Variants in TFDP1 observed in about 807,000 individuals in gnomAD.
TFDP1 encodes transcription factor Dp-1.
A neutral mutation model predicts 48.0 loss-of-function variants in TFDP1; 6 were observed. The ratio of observed to expected loss-of-function variants is 0.13; its 90% CI spans 0.07 to 0.25. TFDP1 has a LOEUF of 0.25. Among genes scored for constraint, TFDP1 ranks in the 10% least tolerant of loss-of-function variants. TFDP1 has a pLI of 1.00. For missense variants in TFDP1, 335 were observed against 543.0 expected (o/e 0.62, Z 3.81); for synonymous variants, 201 against 211.6 (o/e 0.95, Z 0.44).
At chr13:113,606,003 G>A (rs1342121678) in intron 2 of TFDP1, among the ~76,000 whole-genome samples, 5 of 146,604 alleles carry the variant, frequency 3.4e-5, no homozygotes, top group Admixed American at 6.8e-5. Flanking sequence ...GTGAGTGTCC[G>A]CAGGGGATCC....
At chr13:113,631,477 G>C in intron 4 of TFDP1, 146 bp from the exon 5 acceptor site, 1 of 1,019,716 alleles carries the variant, frequency 9.8e-7, no homozygotes. Flanking sequence ...AGCGTCCACC[G>C]CTGGACGTTT....
chr13:113,635,210 G>T (rs143497527), intron 8 of TFDP1, among the ~76,000 whole-genome samples: 1 of 152,280 alleles, frequency 6.6e-6, no homozygotes, highest in East Asian at 1.9e-4. Context: ...TGTGGAGGGG[G>T]TTGTGTGCAA....
At position 113,640,200 on chromosome 13, in the gene TFDP1, C is replaced by T. The variant is rs755609322; in HGVS notation, c.1166C>T (p.Pro389Leu). Residue 389 changes from proline to leucine, a missense_variant, in exon 12 of 12, where the codon CCG becomes CTG. Pro to Leu is a moderately conservative substitution (Grantham distance 98). Around this residue, in one of 3 missense-constraint regions of TFDP1, gnomAD observed 204 missense variants for 287.1 expected, o/e 0.71. Transcript: ENST00000375370. ...SQYSGSRVET[P>L]VSYVGEDDEE... Reference sequence around the variant, plus strand: ...TACAGCGGCTCCAGGGTGGAGACTCCGGTGTCCTACGTCGGGGAGGACGAC... The same window carrying T: ...TACAGCGGCTCCAGGGTGGAGACTCTGGTGTCCTACGTCGGGGAGGACGAC... 5 of 1,613,388 alleles carry T rather than the reference C, an allele frequency of 3.1e-6. No individual in the cohort carries two copies. Among genetic ancestry groups the T allele is most frequent in the Non-Finnish European group, 4.2e-6 (5 of 1,179,744 alleles).
intron 3 of TFDP1, among the ~76,000 whole-genome samples, chr13:113,620,158 T>C (rs546196291): frequency 6.6e-6 from 1 of 152,336 alleles, no homozygotes; most frequent in South Asian, 2.1e-4. Context: ...CCGGCCGGCC[T>C]GTGGGTGGAG....
At chr13:113,617,783 G>C (rs2048899995) in intron 3 of TFDP1, among the ~76,000 whole-genome samples, 1 of 152,228 alleles carries the variant, frequency 6.6e-6, no homozygotes, top group Non-Finnish European at 1.5e-5. Flanking sequence ...ATCTGGCTCT[G>C]ACAACGTAAA....
intron 2 of TFDP1, among the ~76,000 whole-genome samples, chr13:113,599,228 G>T (rs1438154566): frequency 6.6e-6 from 1 of 151,766 alleles, no homozygotes. Context: ...TTTGTGGAAC[G>T]TTTCAGACAC....
In TFDP1 at chr13:113,607,894, T is replaced by C. The variant is rs563657932; in HGVS notation, c.13-3102T>C. On this transcript the variant is annotated intron_variant, in intron 2 of 11. Transcript: ENST00000375370. The surrounding 1 kb of genome is among the most constrained non-coding windows in gnomAD (Gnocchi z 5.2). ...GAGTGAGAAACATCCAGGCCACCTG[T>C]GCCGCAGCCCCCATGGCTGCCGAGG... Among the ~76,000 whole-genome samples the C allele has an allele frequency of 2.6e-5, 4 of 152,280 alleles. No individual in the cohort carries two copies. The South Asian group carries it at 6.2e-4, about 24-fold the overall frequency.
At position 113,623,212 on chromosome 13, in the gene TFDP1, A is replaced by T. The variant is rs773577698; in HGVS notation, c.112A>T (p.Thr38Ser). ...GTCCCTCGTGGCCGTTCACCCCTCC[A>T]CCGTCAACCCGCTCGGGAAGCAGCT... ...VVSLVAVHPS[T>S]VNPLGKQLLP... Residue 38 changes from threonine to serine, a missense_variant, in exon 4 of 12, where the codon ACC (threonine) becomes TCC (serine). Coordinates refer to ENST00000375370, the MANE Select transcript of TFDP1 (RefSeq NM_007111.5). This position sits in a 1 kb window ranked among gnomAD's most constrained non-coding sequence, Gnocchi z 5.2. 3.7e-6 allele frequency: 6 copies of T among 1,613,302 alleles called. No homozygotes were observed. In the African/African-American group the frequency reaches 6.7e-5, roughly 18 times the overall value.
intron 3 of TFDP1, among the ~76,000 whole-genome samples, chr13:113,619,469 TCAAAAAAAAAA>T (rs2048941728): frequency 1.9e-5 from 2 of 105,596 alleles, no homozygotes. Context: ...AGACTCCATC[TCAAAAAAAAAA>T]CAAAAAAAAA....
In TFDP1 at chr13:113,640,027, G is replaced by A. The variant is rs575488062; in HGVS notation, c.1086-93G>A. 198 of 929,004 alleles carry A rather than the reference G, an allele frequency of 2.1e-4. 3 individuals are homozygous for A. In the South Asian group the frequency reaches 3.1e-3, roughly 15 times the overall value. 57.5% of individuals were successfully genotyped at this position (929,004 alleles called of 1,614,324 possible). On this transcript the variant is annotated intron_variant, in intron 11 of 11. Coordinates refer to ENST00000375370, the MANE Select transcript of TFDP1 (RefSeq NM_007111.5). The stretch of plus-strand genomic sequence containing the variant: ...TGACTGACAAAACCCACACCTGTGG[G>A]GCACAGCCTGTCATTTGACCACAAG...
rs1267477627 is a variant in TFDP1 at position 113,602,908 on chromosome 13, C to G, written c.13-8088C>G. 3.3e-5 allele frequency among the ~76,000 whole-genome samples: 5 copies of G among 150,300 alleles called. No homozygotes were observed. The East Asian group carries it at 9.8e-4, about 30-fold the overall frequency. ...GTCAAATCTTTTGTTTTCCCTGGGC[C>G]ACATTGGAAGAAGAATTGTCTTGGG... On this transcript the variant is annotated intron_variant, in intron 2 of 11. Coordinates refer to ENST00000375370, the MANE Select transcript of TFDP1 (RefSeq NM_007111.5).
chr13:113,591,895 G>A (rs768851948), intron 2 of TFDP1, among the ~76,000 whole-genome samples: 2 of 152,174 alleles, frequency 1.3e-5, no homozygotes, highest in South Asian at 2.1e-4. Flanking sequence ...GGTTGTTCGG[G>A]TACTGGCCAT....
intron 2 of TFDP1, among the ~76,000 whole-genome samples, chr13:113,609,392 C>T (rs2048650978): frequency 6.6e-6 from 1 of 152,220 alleles, no homozygotes; most frequent in African/African-American, 2.4e-5. Flanking sequence ...GACAGCTAGA[C>T]TCAGAAAGTG....
intron 4 of TFDP1, among the ~76,000 whole-genome samples, chr13:113,631,038 CCCAGGGCACAGGGTT>C (rs2049322780): frequency 6.6e-6 from 1 of 152,208 alleles, no homozygotes; most frequent in Non-Finnish European, 1.5e-5. Flanking sequence ...CAGACAGGGC[CCCAGGGCACAGGGTT>C]ACCAGGTGAT....
chr13:113,610,742 G>C (rs540138077), intron 2 of TFDP1, among the ~76,000 whole-genome samples: 1 of 152,212 alleles, frequency 6.6e-6, no homozygotes, highest in Non-Finnish European at 1.5e-5. Flanking sequence ...TTTCAAGACT[G>C]TGTGGATTCT....
At chr13:113,619,026 G>C (rs906016112) in intron 3 of TFDP1, among the ~76,000 whole-genome samples, 1 of 152,222 alleles carries the variant, frequency 6.6e-6, no homozygotes, top group Non-Finnish European at 1.5e-5. Context: ...GACTCGGGGG[G>C]AGGCTGAGGA....
chr13:113,628,874 T>G (rs1376508318), intron 4 of TFDP1, among the ~76,000 whole-genome samples: 8 of 152,076 alleles, frequency 5.3e-5, no homozygotes, highest in African/African-American at 1.7e-4. Context: ...TGGCTCCTGG[T>G]GTAGGGAAGT....
intron 2 of TFDP1, among the ~76,000 whole-genome samples, chr13:113,589,627 C>G (rs567074297): frequency 6.6e-6 from 1 of 152,332 alleles, no homozygotes; most frequent in African/African-American, 2.4e-5. Flanking sequence ...GGCTCTGACC[C>G]GCAGATCTGT....
chr13:113,622,064 G>A (rs769039435), intron 3 of TFDP1, among the ~76,000 whole-genome samples: 1 of 152,224 alleles, frequency 6.6e-6, no homozygotes, highest in Non-Finnish European at 1.5e-5. Context: ...TGCCTCGGCT[G>A]CCAGGCAGGG....
Sources: gnomAD v4.1 joint callset for allele counts (sites outside exome capture counted in the v4.1 genomes callset) on GRCh38, gnomAD v4.1.1 for gene constraint, gnomAD v4.1.1 regional missense constraint, Gnocchi (gnomAD v3.1) non-coding constraint, MANE v1.5 for transcripts, NCBI Gene and HGNC (gene_info 2026-07-23, HGNC 2026-07-21) for gene names.